RXFP1: variants seen among roughly 807,000 people sequenced by gnomAD.
The protein encoded by RXFP1 is relaxin family peptide receptor 1.
Under a neutral mutation model 89.8 loss-of-function variants are expected in RXFP1, and 73 were observed. The ratio of observed to expected loss-of-function variants is 0.81; its 90% CI spans 0.67 to 0.99. RXFP1 has a LOEUF of 0.99. Ranked by LOEUF, RXFP1 falls within the 50% of genes least tolerant of loss-of-function variation. RXFP1 has a pLI of 0.00. For synonymous variants in RXFP1, 277 were observed against 305.5 expected, an observed-to-expected ratio of 0.91 and a Z score of 0.97; for missense variants, 793 against 895.5, an observed-to-expected ratio of 0.89 and a Z score of 1.46.
intron 1 of RXFP1, among the ~76,000 whole-genome samples, chr4:158,528,663 CTGGCCCTTGGGG>C (rs1180133703): frequency 2.0e-5 from 3 of 152,228 alleles, no homozygotes; most frequent in Non-Finnish European, 4.4e-5. Flanking sequence ...AATCATGAAT[CTGGCCCTTGGGG>C]TCACCCCTCT....
intron 1 of RXFP1, among the ~76,000 whole-genome samples, chr4:158,540,030 A>AT (rs1354174917): frequency 2.0e-5 from 3 of 152,176 alleles, no homozygotes; most frequent in African/African-American, 7.2e-5. Context: ...ACATCCATTA[A>AT]TTTTATCTGC....
chr4:158,557,815 T>C (rs1241084620), intron 1 of RXFP1, among the ~76,000 whole-genome samples: 1 of 152,210 alleles, frequency 6.6e-6, no homozygotes, highest in Admixed American at 6.5e-5. Context: ...TGCCTCATCA[T>C]TGTCATGGAG....
At chr4:158,651,712 G>A (rs778270142) in intron 17 of RXFP1, 45 bp from the exon 18 acceptor site, 2 of 1,479,826 alleles carry the variant, frequency 1.4e-6, no homozygotes, top group Admixed American at 2.2e-5. Context: ...TCTATACCTT[G>A]TAAACATCTA....
chr4:158,572,114 G>A (rs1319698898), intron 1 of RXFP1, among the ~76,000 whole-genome samples: 1 of 152,106 alleles, frequency 6.6e-6, no homozygotes, highest in East Asian at 1.9e-4. Flanking sequence ...AAAATCAATC[G>A]TGTTCTGCCC....
At chr4:158,568,605 CT>C (rs201290827) in intron 1 of RXFP1, among the ~76,000 whole-genome samples, 8 of 151,080 alleles carry the variant, frequency 5.3e-5, no homozygotes, top group African/African-American at 1.2e-4. Context: ...CAGTGATGGC[CT>C]TTTTTTTTAC....
chr4:158,629,191 C>T (rs1767544189), intron 11 of RXFP1, among the ~76,000 whole-genome samples: 1 of 151,954 alleles, frequency 6.6e-6, no homozygotes, highest in Non-Finnish European at 1.5e-5. Context: ...GCTGGGATTA[C>T]AGGTGCATCC....
At chr4:158,587,732 T>G (rs1758574491) in intron 2 of RXFP1, among the ~76,000 whole-genome samples, 1 of 152,226 alleles carries the variant, frequency 6.6e-6, no homozygotes, top group Non-Finnish European at 1.5e-5. Flanking sequence ...TTCTTCAGTA[T>G]CAATTTTTCT....
intron 1 of RXFP1, 22 bp from the exon 2 acceptor site, chr4:158,572,676 T>G (rs1363615664): frequency 6.2e-7 from 1 of 1,612,778 alleles, no homozygotes; most frequent in Non-Finnish European, 8.5e-7. Flanking sequence ...TCAAACTTTG[T>G]GTCTTCTCCC....
chr4:158,611,106 T>C lies in RXFP1; in HGVS notation c.537-1024T>C, dbSNP rs187820621. On this transcript the variant is annotated intron_variant, in intron 6 of 17. Transcript: ENST00000307765. Reference sequence around the variant, plus strand: ...GCTATAAAACATAATATGTACTGAATGTTTATGGCATGCATTGCCTCTATT... The same window carrying C: ...GCTATAAAACATAATATGTACTGAACGTTTATGGCATGCATTGCCTCTATT... Among the ~76,000 whole-genome samples the C allele has an allele frequency of 2.4e-3, 358 of 152,334 alleles. 1 individual carries two copies. The highest frequency in any genetic ancestry group is 5.4e-4 in the Non-Finnish European group (37 of 68,030).
At chr4:158,629,522 T>C (rs1338775641) in intron 11 of RXFP1, among the ~76,000 whole-genome samples, 2 of 152,162 alleles carry the variant, frequency 1.3e-5, no homozygotes, top group Non-Finnish European at 2.9e-5. Context: ...TCTAAGTACA[T>C]TGTAGTTGAT....
At chr4:158,526,206 A>AT (rs1742468573) in intron 1 of RXFP1, among the ~76,000 whole-genome samples, 1 of 152,246 alleles carries the variant, frequency 6.6e-6, no homozygotes, top group Non-Finnish European at 1.5e-5. Context: ...CAACTGATGA[A>AT]TTAGTATATG....
intron 1 of RXFP1, among the ~76,000 whole-genome samples, chr4:158,540,822 C>G (rs1746424955): frequency 2.0e-5 from 3 of 152,094 alleles, no homozygotes; most frequent in Admixed American, 2.0e-4. Flanking sequence ...GGAGCACACA[C>G]TACGGATGGC....
intron 9 of RXFP1, among the ~76,000 whole-genome samples, chr4:158,622,823 G>A (rs1765879801): frequency 6.6e-6 from 1 of 152,166 alleles, no homozygotes; most frequent in Non-Finnish European, 1.5e-5. Context: ...GTATTGTATA[G>A]TGGAAATTTG....
At chr4:158,627,183 A>G (rs955498500) in intron 10 of RXFP1, among the ~76,000 whole-genome samples, 52 of 152,298 alleles carry the variant, frequency 3.4e-4, no homozygotes, top group African/African-American at 1.0e-3. Flanking sequence ...ATGGACATCA[A>G]GATAAACCTT....
intron 3 of RXFP1, among the ~76,000 whole-genome samples, chr4:158,598,769 AC>A (rs1002517570): frequency 6.6e-5 from 10 of 151,502 alleles, no homozygotes; most frequent in African/African-American, 2.2e-4. Flanking sequence ...TTCATCCTTT[AC>A]CCCTATTTAA....
At chr4:158,528,106 T>C (rs1204628323) in intron 1 of RXFP1, among the ~76,000 whole-genome samples, 2 of 152,182 alleles carry the variant, frequency 1.3e-5, no homozygotes, top group Non-Finnish European at 2.9e-5. Flanking sequence ...AACATTTAAA[T>C]CATTCTCACA....
At chr4:158,571,892 A>G (rs1004311139) in intron 1 of RXFP1, among the ~76,000 whole-genome samples, 1 of 152,132 alleles carries the variant, frequency 6.6e-6, no homozygotes, top group South Asian at 2.1e-4. Context: ...CCTTATCACC[A>G]TGTGTGTGGG....
At chr4:158,622,238 G>A (rs1268251773) in intron 9 of RXFP1, among the ~76,000 whole-genome samples, 1 of 152,104 alleles carries the variant, frequency 6.6e-6, no homozygotes, top group African/African-American at 2.4e-5. Flanking sequence ...TTGAACCCGG[G>A]AGGCGGAGGT....
Position 158,652,132 on chromosome 4 carries a change from A to G in RXFP1, c.*77A>G. The stretch of plus-strand genomic sequence containing the variant: ...AGGGATTTACTGGTATGAAATGAAT[A>G]CCACAAAATTAATTTATAATAATAG... On this transcript the variant is annotated 3_prime_UTR_variant, in exon 18 of 18. Coordinates refer to ENST00000307765, the MANE Select transcript of RXFP1 (RefSeq NM_021634.4). 1.7e-6 allele frequency: 2 copies of G among 1,187,264 alleles called. No homozygotes were observed. The highest frequency in any genetic ancestry group is 2.3e-6 in the Non-Finnish European group (2 of 853,888). The allele number at this position is 1,187,264 out of a possible 1,614,324, so 73.5% of individuals were successfully genotyped here.
Sources: allele counts gnomAD v4.1 joint callset (sites outside exome capture counted in the v4.1 genomes callset), GRCh38; gene constraint gnomAD v4.1.1; transcripts MANE v1.5; gene names NCBI Gene and HGNC (gene_info 2026-07-23, HGNC 2026-07-21).